TRIM25: variants seen among roughly 807,000 people sequenced by gnomAD.
TRIM25 encodes tripartite motif containing 25.
TRIM25 carries 45 observed loss-of-function variants against 65.2 expected under a neutral mutation model. The observed-to-expected ratio is 0.69, with a 90% CI of 0.54 to 0.89. The LOEUF (loss-of-function observed/expected upper bound fraction) is 0.89, where lower values mean the gene tolerates loss of function less well. Among genes scored for constraint, TRIM25 ranks in the 40% least tolerant of loss-of-function variants. The probability of loss-of-function intolerance (pLI) is 0.00; values close to 1 mark genes in which losing one functional copy is unlikely to be tolerated. For missense variants in TRIM25, 714 were observed against 803.7 expected (o/e 0.89, Z 1.35); for synonymous variants, 321 against 340.4 (o/e 0.94, Z 0.63).
At chr17:56,908,412 T>C in intron 2 of TRIM25, 56 bp downstream of exon 2, 2 of 1,563,388 alleles carry the variant, frequency 1.3e-6, no homozygotes, top group African/African-American at 2.7e-5. Context: ...CCATCCCGCG[T>C]GGAAGCTGAG....
intron 1 of TRIM25, chr17:56,912,655 G>C (rs539917527): frequency 2.0e-5 from 3 of 152,218 alleles, no homozygotes; most frequent in African/African-American, 7.2e-5. Flanking sequence ...GAACCAACCC[G>C]GGTCACAATG....
At chr17:56,911,584 A>G (rs1384903139) in intron 1 of TRIM25, among the ~76,000 whole-genome samples, 1 of 151,634 alleles carries the variant, frequency 6.6e-6, no homozygotes, top group African/African-American at 2.4e-5. Context: ...AACTCAAAAA[A>G]AAAAAAAAAT....
At chr17:56,912,767 T>G (rs989825193) in intron 1 of TRIM25, 1 of 152,180 alleles carries the variant, frequency 6.6e-6, no homozygotes, top group Non-Finnish European at 1.5e-5. Context: ...ACCTCCTGGG[T>G]GCCACCAGGA....
chr17:56,893,033 G>T (rs1256412428), intron 8 of TRIM25, among the ~76,000 whole-genome samples: 1 of 152,246 alleles, frequency 6.6e-6, no homozygotes, highest in Non-Finnish European at 1.5e-5. Context: ...AGAGAGAAAA[G>T]CTGTTCCAGA....
At chr17:56,899,082 T>C (rs1290726772) in intron 5 of TRIM25, 33 bp downstream of exon 5, 3 of 1,611,708 alleles carry the variant, frequency 1.9e-6, no homozygotes, top group Non-Finnish European at 1.7e-6. Context: ...ACAGCCATGC[T>C]GTTGCCATGG....
intron 5 of TRIM25, among the ~76,000 whole-genome samples, chr17:56,897,716 G>A (rs917721882): frequency 6.6e-6 from 1 of 152,176 alleles, no homozygotes; most frequent in Admixed American, 6.5e-5. Context: ...TCACCTCACT[G>A]GGGAACACAC....
Position 56,895,508 on chromosome 17 carries a change from C to A in TRIM25, c.1264+13G>T. 3 of 1,613,546 alleles carry A rather than the reference C, an allele frequency of 1.9e-6. No homozygotes were observed. Among genetic ancestry groups the A allele is most frequent in the Non-Finnish European group, 2.5e-6 (3 of 1,179,602 alleles). On this transcript the variant is annotated intron_variant, in intron 7 of 8. Transcript: ENST00000316881. The stretch of plus-strand genomic sequence containing the variant: ...AGTGGACACCCCAAAGCTCCTTGCC[C>A]ATGATAACTTACCCTCCAAGCCAGC...
intron 4 of TRIM25, among the ~76,000 whole-genome samples, chr17:56,899,608 A>G (rs1790689946): frequency 6.6e-6 from 1 of 152,128 alleles, no homozygotes; most frequent in South Asian, 2.1e-4. Context: ...CCAGCCACCT[A>G]TAGCTTTGCC....
At chr17:56,911,578 CA>C (rs34726749) in intron 1 of TRIM25, among the ~76,000 whole-genome samples, 106 of 137,014 alleles carry the variant, frequency 7.7e-4, no homozygotes, top group South Asian at 2.1e-3. Context: ...GACTCCAACT[CA>C]AAAAAAAAAA....
intron 1 of TRIM25, among the ~76,000 whole-genome samples, chr17:56,912,413 T>C (rs1909647420): frequency 6.6e-6 from 1 of 152,190 alleles, no homozygotes; most frequent in Admixed American, 6.5e-5. Context: ...CGGAGGACAC[T>C]ATGGTGCAAG....
intron 8 of TRIM25, among the ~76,000 whole-genome samples, chr17:56,892,679 G>A (rs1461816432): frequency 6.6e-6 from 1 of 151,966 alleles, no homozygotes; most frequent in African/African-American, 2.4e-5. Context: ...CATCCATTCT[G>A]TCCAGCCAGC....
chr17:56,899,473 A>G (rs1909366841), intron 4 of TRIM25, among the ~76,000 whole-genome samples: 1 of 152,178 alleles, frequency 6.6e-6, no homozygotes, highest in South Asian at 2.1e-4. Flanking sequence ...TCGAGCACAC[A>G]ATGGGGATGA....
At chr17:56,897,374 T>C (rs567890244) in intron 5 of TRIM25, among the ~76,000 whole-genome samples, 4 of 151,838 alleles carry the variant, frequency 2.6e-5, no homozygotes, top group Admixed American at 2.6e-4. Context: ...CCTATTACCC[T>C]CTCCCTCCCC....
chr17:56,891,695 C>T lies in TRIM25; in HGVS notation c.*5G>A, dbSNP rs1324960488. On this transcript the variant is annotated 3_prime_UTR_variant, in exon 9 of 9. Coordinates refer to ENST00000316881, the MANE Select transcript of TRIM25 (RefSeq NM_005082.5). Reference sequence around the variant, plus strand: ...AGGCAGTCAGCCCAAGTGCCTACAGCCTGCCTACTTGGGGGAGCAGATGGA... The same window carrying T: ...AGGCAGTCAGCCCAAGTGCCTACAGTCTGCCTACTTGGGGGAGCAGATGGA... 9 of 1,609,168 alleles carry T rather than the reference C, an allele frequency of 5.6e-6. No individual in the cohort carries two copies. The East Asian group carries it at 2.0e-4, about 36-fold the overall frequency.
Position 56,891,110 on chromosome 17 carries a change from G to A in TRIM25, c.*590C>T. 1 of 364,618 alleles carries A rather than the reference G, an allele frequency of 2.7e-6. No homozygotes were observed. The highest frequency in any genetic ancestry group is 7.3e-5 in the East Asian group (1 of 13,646). The allele number at this position is 364,618 out of a possible 1,614,324, so 22.6% of individuals were successfully genotyped here. Reference sequence around the variant, plus strand: ...AGGGAACGCACTATTTTCCAGTGGAGGAAGAGGGTATGCCTCTTTAGGAAA... The same window carrying A: ...AGGGAACGCACTATTTTCCAGTGGAAGAAGAGGGTATGCCTCTTTAGGAAA... On this transcript the variant is annotated 3_prime_UTR_variant, in exon 9 of 9. Transcript: ENST00000316881.
intron 2 of TRIM25, among the ~76,000 whole-genome samples, chr17:56,905,408 G>A (rs1024441540): frequency 4.6e-5 from 7 of 152,078 alleles, no homozygotes; most frequent in Non-Finnish European, 2.9e-5. Flanking sequence ...TCAGGATGCA[G>A]CTCTGGAAAA....
At position 56,892,123 on chromosome 17, in the gene TRIM25, C is replaced by G; in HGVS notation, c.1470G>C (p.Pro490=). The G allele has an allele frequency of 6.2e-7, 1 of 1,614,176 alleles. No homozygotes were observed. Among genetic ancestry groups the G allele is most frequent in the Non-Finnish European group, 8.5e-7 (1 of 1,180,038 alleles). The change falls in exon 9 of 9, where the codon CCG becomes CCC. Residue 490 remains proline, a synonymous_variant. Transcript: ENST00000316881. ...SVAEMPQNYR[P]HPQRFTYCSQ... ...AGCAGTATGTGAACCTCTGGGGATG[C>G]GGCCGGTAGTTCTGAGGCATCTCAG...
intron 8 of TRIM25, among the ~76,000 whole-genome samples, chr17:56,893,159 G>T (rs1909217003): frequency 6.6e-6 from 1 of 150,514 alleles, no homozygotes; most frequent in Admixed American, 6.6e-5. Context: ...AACATGTTGG[G>T]GCTAGAAAGG....
chr17:56,901,114 C>T (rs1360141106), intron 4 of TRIM25, among the ~76,000 whole-genome samples: 2 of 152,194 alleles, frequency 1.3e-5, no homozygotes, highest in East Asian at 1.9e-4. Flanking sequence ...AACACAATAA[C>T]AAGCCCTAGC....
Sources: allele counts gnomAD v4.1 joint callset (sites outside exome capture counted in the v4.1 genomes callset), GRCh38; gene constraint gnomAD v4.1.1; transcripts MANE v1.5; gene names NCBI Gene and HGNC (gene_info 2026-07-23, HGNC 2026-07-21).